Variants in SREBF2 observed in about 807,000 individuals in gnomAD.
SREBF2 encodes sterol regulatory element-binding protein 2.
A neutral mutation model predicts 113.1 loss-of-function variants in SREBF2; 55 were observed. That is an observed-to-expected ratio of 0.49 (90% confidence interval 0.39 to 0.61). The LOEUF (loss-of-function observed/expected upper bound fraction) is 0.61. SREBF2 is among the 20% of genes least tolerant of loss of function. The pLI is 0.00. For synonymous variants in SREBF2, 593 were observed against 605.7 expected (o/e 0.98, Z 0.31); for missense variants, 1,349 against 1,487.4 (o/e 0.91, Z 1.53).
rs371444315 is a variant in SREBF2 at position 41,898,807 on chromosome 22, C to T, written c.2738+26C>T. ...GTGCGTAACCCTCCTTGGCCACTCA[C>T]TTGCTTCTCTCCAGGGGAATCTTGT... On this transcript the variant is annotated intron_variant, in intron 15 of 18. Coordinates refer to ENST00000361204, the MANE Select transcript of SREBF2 (RefSeq NM_004599.4). 3.7e-6 allele frequency: 6 copies of T among 1,612,958 alleles called. No individual in the cohort carries two copies. In the African/African-American group the frequency reaches 8.0e-5, roughly 22 times the overall value.
In SREBF2 at chr22:41,906,389, A is replaced by C; in HGVS notation, c.*729A>C. 5.8e-6 allele frequency: 1 copy of C among 172,498 alleles called. No homozygotes were observed. Among genetic ancestry groups the C allele is most frequent in the Non-Finnish European group, 1.2e-5 (1 of 80,188 alleles). The allele number at this position is 172,498 out of a possible 1,614,324, so 10.7% of individuals were successfully genotyped here. A position where few individuals can be genotyped will look rare whatever the true frequency, so the allele number is the denominator to read the frequency against. Reference sequence around the variant, plus strand: ...TTATTTAATTGTCCTGTTCCTTCCCACTCCCCGCCTCCTAGGATGTTAGCC... The same window carrying C: ...TTATTTAATTGTCCTGTTCCTTCCCCCTCCCCGCCTCCTAGGATGTTAGCC... On this transcript the variant is annotated 3_prime_UTR_variant, in exon 19 of 19. Coordinates refer to ENST00000361204, the MANE Select transcript of SREBF2 (RefSeq NM_004599.4).
rs551967566 is a variant in SREBF2, at chr22:41,880,425, C to G, written c.1762-291C>G. 1.1e-4 allele frequency among the ~76,000 whole-genome samples: 16 copies of G among 150,624 alleles called. No homozygotes were observed. In the South Asian group the frequency reaches 1.3e-3, roughly 12 times the overall value. On this transcript the variant is annotated intron_variant, in intron 9 of 18. Coordinates refer to ENST00000361204, the MANE Select transcript of SREBF2 (RefSeq NM_004599.4). ...AAAAAAAAAAAAAAAAAGTGCTACT[C>G]TGAGGGAACTCTGACCAGCATTTGC...
chr22:41,863,712 CA>C (rs1207372242), intron 1 of SREBF2, among the ~76,000 whole-genome samples: 3 of 152,060 alleles, frequency 2.0e-5, no homozygotes, highest in Non-Finnish European at 4.4e-5. Context: ...TAAATAATAC[CA>C]CTATGTAGGA....
At chr22:41,865,773 G>C (rs1467115887) in intron 1 of SREBF2, among the ~76,000 whole-genome samples, 2 of 152,182 alleles carry the variant, frequency 1.3e-5, no homozygotes, top group Non-Finnish European at 2.9e-5. Flanking sequence ...TCCTGGCCTG[G>C]CAACATACCT....
chr22:41,856,618 T>A (rs1022255158), intron 1 of SREBF2, among the ~76,000 whole-genome samples: 1 of 152,144 alleles, frequency 6.6e-6, no homozygotes, highest in Admixed American at 6.5e-5. Context: ...GGCACTTACA[T>A]TCAAAGAAAG....
chr22:41,885,117 C>T lies in SREBF2; in HGVS notation c.2208+106C>T, dbSNP rs2077287996. 3.7e-6 allele frequency: 5 copies of T among 1,345,216 alleles called. No individual in the cohort carries two copies. In the South Asian group the frequency reaches 5.0e-5, roughly 13 times the overall value. The allele number at this position is 1,345,216 out of a possible 1,614,324, so 83.3% of individuals were successfully genotyped here. On this transcript the variant is annotated intron_variant, in intron 11 of 18. Coordinates refer to ENST00000361204, the MANE Select transcript of SREBF2 (RefSeq NM_004599.4). The stretch of plus-strand genomic sequence containing the variant: ...AACCCCCTTCCCCATCAGGTGCTGC[C>T]CACCTGGAGGGGTAGGCAGGCATTC...
At chr22:41,883,556 G>C (rs1280491221) in intron 10 of SREBF2, among the ~76,000 whole-genome samples, 10 of 152,182 alleles carry the variant, frequency 6.6e-5, no homozygotes, top group African/African-American at 2.4e-4. Context: ...AATTCCAGCT[G>C]AGAAGCTTTA....
chr22:41,875,388 C>A lies in SREBF2; in HGVS notation c.1141C>A (p.Gln381Lys). ...GGCCATTGATTACATCAAATACTTG[C>A]AGCAGGTCAATCATAAACTGCGCCA... Reference protein sequence around the residue: ...RKAIDYIKYLQQVNHKLRQEN... With the variant: ...RKAIDYIKYLKQVNHKLRQEN... Residue 381 changes from glutamine to lysine, a missense_variant, in exon 6 of 19, where the codon CAG (glutamine) becomes AAG (lysine). Physicochemically the swap from Gln to Lys is moderately conservative, Grantham distance 53 (BLOSUM62 1). This residue lies in a region of SREBF2 where 699 missense variants were observed against 843.3 expected (regional missense o/e 0.83). Coordinates refer to ENST00000361204, the MANE Select transcript of SREBF2 (RefSeq NM_004599.4). The A allele has an allele frequency of 6.2e-7, 1 of 1,614,148 alleles. No individual in the cohort carries two copies. Among genetic ancestry groups the A allele is most frequent in the Non-Finnish European group, 8.5e-7 (1 of 1,179,984 alleles).
chr22:41,842,863 G>A (rs1052708621), intron 1 of SREBF2, among the ~76,000 whole-genome samples: 1 of 152,158 alleles, frequency 6.6e-6, no homozygotes, highest in African/African-American at 2.4e-5. Flanking sequence ...GGTGGCATGA[G>A]CCTGTAATCC....
intron 1 of SREBF2, among the ~76,000 whole-genome samples, chr22:41,839,956 C>CT (rs10588397): frequency 0.039 from 4,614 of 117,580 alleles, 326 homozygotes; most frequent in African/African-American, 0.11. Context: ...TGCTTAGTTT[C>CT]TTTTTTTTTT....
intron 16 of SREBF2, 24 bp downstream of exon 16, chr22:41,900,522 C>T: frequency 6.2e-7 from 1 of 1,610,010 alleles, no homozygotes; most frequent in Non-Finnish European, 8.5e-7. Context: ...GAGTTGGCCC[C>T]TGGGGGAGGT....
Position 41,898,726 on chromosome 22 carries a change from G to C in SREBF2, c.2683G>C (p.Val895Leu), listed in dbSNP as rs542469644. ...CTGGCTCCAGGGAGACGATGCAGCT[G>C]TGCGCTCTCATTTTACCAAAGTGGA... ...ISWLQGDDAAVRSHFTKVERI... is the reference protein window; with the variant it reads ...ISWLQGDDAALRSHFTKVERI... The change falls in exon 15 of 19, where the codon GTG (valine) becomes CTG (leucine). Residue 895 changes from valine to leucine, a missense_variant. By Grantham distance (32) the Val-to-Leu change is conservative (BLOSUM62 1). This residue lies in a region of SREBF2 where 650 missense variants were observed against 644.1 expected (regional missense o/e 1.01). Transcript: ENST00000361204. 4.3e-6 allele frequency: 7 copies of C among 1,614,164 alleles called. No individual in the cohort carries two copies. In the South Asian group the frequency reaches 7.7e-5, roughly 18 times the overall value.
At chr22:41,883,082 A>G (rs534083999) in intron 10 of SREBF2, among the ~76,000 whole-genome samples, 4 of 152,248 alleles carry the variant, frequency 2.6e-5, no homozygotes, top group African/African-American at 9.6e-5. Flanking sequence ...CTGCACATGC[A>G]TGCAGAGATG....
chr22:41,882,271 G>A (rs1250390697), intron 10 of SREBF2, among the ~76,000 whole-genome samples: 1 of 152,192 alleles, frequency 6.6e-6, no homozygotes, highest in Non-Finnish European at 1.5e-5. Flanking sequence ...TCTTCCTTGG[G>A]AGTTTGGGTG....
chr22:41,872,464 A>G (rs2077153964), intron 4 of SREBF2, among the ~76,000 whole-genome samples: 1 of 152,120 alleles, frequency 6.6e-6, no homozygotes, highest in Non-Finnish European at 1.5e-5. Flanking sequence ...ACATATGTAA[A>G]ATTCATCAAG....
chr22:41,866,785 C>T, intron 1 of SREBF2, 46 bp from the exon 2 acceptor site: 2 of 1,607,584 alleles, frequency 1.2e-6, no homozygotes, highest in Non-Finnish European at 1.7e-6. Context: ...TTTGAAAGTT[C>T]ACTTTTTGGA....
intron 3 of SREBF2, 106 bp from the exon 4 acceptor site, chr22:41,870,783 T>C (rs1347590522): frequency 6.9e-7 from 1 of 1,458,304 alleles, no homozygotes; most frequent in African/African-American, 1.4e-5. Flanking sequence ...TTCATAAAAA[T>C]TATATCATTT....
intron 3 of SREBF2, 135 bp downstream of exon 3, chr22:41,868,927 C>T: frequency 8.9e-7 from 1 of 1,122,842 alleles, no homozygotes. Flanking sequence ...CAGGATGCAC[C>T]TGTGAGCAGC....
intron 12 of SREBF2, 125 bp downstream of exon 12, chr22:41,893,410 G>C: frequency 9.8e-7 from 1 of 1,023,894 alleles, no homozygotes; most frequent in Non-Finnish European, 1.5e-6. Flanking sequence ...CCGTTTGTTT[G>C]TTTGTTTGTT....
Sources: gnomAD v4.1 joint callset for allele counts (sites outside exome capture counted in the v4.1 genomes callset) on GRCh38, gnomAD v4.1.1 for gene constraint, gnomAD v4.1.1 regional missense constraint, MANE v1.5 for transcripts, NCBI Gene and HGNC (gene_info 2026-07-23, HGNC 2026-07-21) for gene names.